Variants in SENP2 observed in about 807,000 individuals in gnomAD.
SENP2 encodes sentrin-specific protease 2.
In SENP2, 16 loss-of-function variants were observed where a neutral mutation model predicts 86.3. That is an observed-to-expected ratio of 0.19 (90% CI 0.13 to 0.28). The LOEUF is 0.28. Among genes scored for constraint, SENP2 ranks in the 10% least tolerant of loss-of-function variants. The pLI, the probability that SENP2 is intolerant of heterozygous loss-of-function variation, is 1.00. For synonymous variants in SENP2, 222 were observed against 238.7 expected (o/e 0.93, Z 0.64); for missense variants, 552 against 703.0 (o/e 0.79, Z 2.43).
chr3:185,624,105 T>C (rs369274976), intron 15 of SENP2, 23 bp downstream of exon 15: 6 of 1,542,112 alleles, frequency 3.9e-6, no homozygotes, highest in Non-Finnish European at 4.5e-6. Flanking sequence ...CATCTACATG[T>C]GACATACTTG....
chr3:185,597,760 T>TCTC (rs1423963180), intron 2 of SENP2, among the ~76,000 whole-genome samples: 2 of 151,686 alleles, frequency 1.3e-5, no homozygotes, highest in East Asian at 3.9e-4. Flanking sequence ...TTCAAGCGAT[T>TCTC]CTCCTGCCTC....
intron 1 of SENP2, among the ~76,000 whole-genome samples, chr3:185,588,700 T>C (rs1453505081): frequency 2.0e-5 from 3 of 152,184 alleles, no homozygotes; most frequent in Non-Finnish European, 4.4e-5. Context: ...TGGGTTGATA[T>C]AAGGATCATT....
At chr3:185,625,150 C>A (rs995729191) in intron 15 of SENP2, among the ~76,000 whole-genome samples, 9 of 149,732 alleles carry the variant, frequency 6.0e-5, no homozygotes, top group Admixed American at 4.7e-4. Context: ...CTCGCTCTGT[C>A]GCCTAGGCTG....
chr3:185,598,403 A>G lies in SENP2; in HGVS notation c.158-9A>G, dbSNP rs1286523325. 1 of 1,613,216 alleles carries G rather than the reference A, an allele frequency of 6.2e-7. No homozygotes were observed. The highest frequency in any genetic ancestry group is 8.5e-7 in the Non-Finnish European group (1 of 1,179,228). ...TACTTTATATTTACAGTTTGTTGAC[A>G]CTTTCTAGATTGCTTTATTCACCAA... On this transcript the variant is annotated splice_polypyrimidine_tract_variant and intron_variant, in intron 2 of 16. Coordinates refer to ENST00000296257, the MANE Select transcript of SENP2 (RefSeq NM_021627.3).
intron 11 of SENP2, 71 bp from the exon 12 acceptor site, chr3:185,617,409 C>T: frequency 2.2e-6 from 3 of 1,387,402 alleles, no homozygotes; most frequent in Non-Finnish European, 2.9e-6. Context: ...TTTTTTCAGT[C>T]TCGGAGTTTT....
At chr3:185,606,667 T>C (rs528198086) in intron 6 of SENP2, 169 bp downstream of exon 6, 1 of 607,746 alleles carries the variant, frequency 1.6e-6, no homozygotes, top group South Asian at 2.4e-5. Flanking sequence ...ACCAAAAATC[T>C]GCATGCAGCA....
In SENP2 at chr3:185,606,472, A is replaced by C. The variant is rs778056545; in HGVS notation, c.592A>C (p.Arg198=). 3 of 1,611,994 alleles carry C rather than the reference A, an allele frequency of 1.9e-6. No homozygotes were observed. The East Asian group carries it at 6.7e-5, about 36-fold the overall frequency. Residue 198 remains arginine, a synonymous_variant, in exon 6 of 17, where the codon AGG becomes CGG. Coordinates refer to ENST00000296257, the MANE Select transcript of SENP2 (RefSeq NM_021627.3). The part of the protein sequence containing the change: ...MISEESGKGL[R]RPHCTVEEGV... Reference sequence around the variant, plus strand: ...TTCTGAAGAGAGTGGCAAGGGTCTGAGGCGTCCCCATTGTACTGTGGAGGA... The same window carrying C: ...TTCTGAAGAGAGTGGCAAGGGTCTGCGGCGTCCCCATTGTACTGTGGAGGA...
intron 5 of SENP2, among the ~76,000 whole-genome samples, chr3:185,601,977 T>C (rs905053551): frequency 1.3e-5 from 2 of 152,132 alleles, no homozygotes; most frequent in South Asian, 2.1e-4. Flanking sequence ...TAATTCTTTT[T>C]TGACTGTCAG....
At chr3:185,613,041 G>C (rs1722745455) in intron 9 of SENP2, among the ~76,000 whole-genome samples, 1 of 152,234 alleles carries the variant, frequency 6.6e-6, no homozygotes, top group South Asian at 2.1e-4. Flanking sequence ...GCCAAATCTG[G>C]TCTACTTGCC....
At chr3:185,620,789 G>A (rs1711831676) in intron 13 of SENP2, among the ~76,000 whole-genome samples, 1 of 151,740 alleles carries the variant, frequency 6.6e-6, no homozygotes, top group African/African-American at 2.4e-5. Context: ...ATGCATAAGG[G>A]TTATTTATAT....
Position 185,627,300 on chromosome 3 carries a change from T to C in SENP2, c.1707+907T>C, listed in dbSNP as rs115799794. On this transcript the variant is annotated intron_variant, in intron 16 of 16. Coordinates refer to ENST00000296257, the MANE Select transcript of SENP2 (RefSeq NM_021627.3). ...TTATTTCTAGCCAAAGAAAGAGGTATGTCAGTGTTTAATAGCAAGGGAAAA... is the reference window on the plus strand; with the variant it reads ...TTATTTCTAGCCAAAGAAAGAGGTACGTCAGTGTTTAATAGCAAGGGAAAA... 4.4e-3 allele frequency among the ~76,000 whole-genome samples: 674 copies of C among 152,260 alleles called. 5 individuals are homozygous for C. The highest frequency in any genetic ancestry group is 0.015 in the African/African-American group (630 of 41,526).
At position 185,623,990 on chromosome 3, in the gene SENP2, C is replaced by A; in HGVS notation, c.1527-8C>A. The A allele has an allele frequency of 6.4e-7, 1 of 1,572,426 alleles. No individual in the cohort carries two copies. The highest frequency in any genetic ancestry group is 8.7e-7 in the Non-Finnish European group (1 of 1,146,986). On this transcript the variant is annotated splice_polypyrimidine_tract_variant and splice_region_variant and intron_variant, in intron 14 of 16. Transcript: ENST00000296257. ...ATTGATGTATTCCTTCTTTGTTTTG[C>A]TTTTTAGTCAGTATTTACAGGATGA...
At position 185,613,350 on chromosome 3, in the gene SENP2, C is replaced by T; in HGVS notation, c.875C>T (p.Ser292Leu). 1.3e-6 allele frequency: 2 copies of T among 1,581,040 alleles called. No individual in the cohort carries two copies. The highest frequency in any genetic ancestry group is 1.7e-6 in the Non-Finnish European group (2 of 1,153,236). The change falls in exon 10 of 17, where the codon TCA becomes TTA. Residue 292 changes from serine to leucine, a missense_variant. Ser to Leu is a moderately radical substitution (Grantham distance 145). Coordinates refer to ENST00000296257, the MANE Select transcript of SENP2 (RefSeq NM_021627.3). ...LCSLRSEKRC[S>L]KGKITDTETM... ...CTCTCAATTTTTTTCCTTAGGTGTT[C>T]AAAGGGGAAAATTACTGATACAGAG... is the stretch of plus-strand genomic sequence containing the variant.
intron 2 of SENP2, among the ~76,000 whole-genome samples, chr3:185,591,559 G>T (rs1721998772): frequency 6.6e-6 from 1 of 151,800 alleles, no homozygotes; most frequent in Non-Finnish European, 1.5e-5. Context: ...CACCATGTTA[G>T]CCAGGATAGT....
chr3:185,617,369 C>G (rs996944587), intron 11 of SENP2, 111 bp from the exon 12 acceptor site: 7 of 753,238 alleles, frequency 9.3e-6, no homozygotes, highest in Non-Finnish European at 1.4e-5. Context: ...ATATTTTTCT[C>G]AAGAGTCAGG....
intron 2 of SENP2, among the ~76,000 whole-genome samples, chr3:185,592,007 A>ATTTATTTTTTTTTTTTT (rs1261238822): frequency 2.8e-5 from 1 of 35,114 alleles, no homozygotes; most frequent in Non-Finnish European, 5.7e-5. Flanking sequence ...AACCGGTAAT[A>ATTTATTTTTTTTTTTTT]TTTCTTTTTT....
At position 185,622,043 on chromosome 3, in the gene SENP2, T is replaced by G; in HGVS notation, c.1526+138T>G. The stretch of plus-strand genomic sequence containing the variant: ...CTTAGCATGCATTTTATTTTTAAAA[T>G]AATAGCTGATTTCAACTGAGAAAAC... On this transcript the variant is annotated intron_variant, in intron 14 of 16. Coordinates refer to ENST00000296257, the MANE Select transcript of SENP2 (RefSeq NM_021627.3). The G allele has an allele frequency of 8.1e-6, 4 of 491,814 alleles. No homozygotes were observed. The South Asian group carries it at 1.5e-4, about 19-fold the overall frequency. 30.5% of individuals were successfully genotyped at this position (491,814 alleles called of 1,614,324 possible). A position where few individuals can be genotyped will look rare whatever the true frequency, so the allele number is the denominator to read the frequency against.
chr3:185,601,474 T>A (rs1722343272), intron 5 of SENP2, among the ~76,000 whole-genome samples: 1 of 152,188 alleles, frequency 6.6e-6, no homozygotes, highest in Non-Finnish European at 1.5e-5. Context: ...AAATTATAAG[T>A]GTACGTGGCC....
chr3:185,609,424 G>A lies in SENP2; in HGVS notation c.722+74G>A, dbSNP rs1330349315. 24 of 1,078,876 alleles carry A rather than the reference G, an allele frequency of 2.2e-5. 1 individual carries two copies. Among genetic ancestry groups the A allele is most frequent in the South Asian group, 1.1e-4 (8 of 76,156 alleles). The allele number at this position is 1,078,876 out of a possible 1,614,324, so 66.8% of individuals were successfully genotyped here. On this transcript the variant is annotated intron_variant, in intron 7 of 16. Coordinates refer to ENST00000296257, the MANE Select transcript of SENP2 (RefSeq NM_021627.3). The stretch of plus-strand genomic sequence containing the variant: ...TTGTTTTTGGAGAAAGTATTGGTGG[G>A]AAGGGCTTTACTGAAAGAAGAGGTT...
Sources: gnomAD v4.1 joint callset for allele counts (sites outside exome capture counted in the v4.1 genomes callset) on GRCh38, gnomAD v4.1.1 for gene constraint, MANE v1.5 for transcripts, NCBI Gene and HGNC (gene_info 2026-07-23, HGNC 2026-07-21) for gene names.